Variants in ZC3H12B observed in about 807,000 individuals in gnomAD.
ZC3H12B encodes the protein zinc finger CCCH-type containing 12B, also known as probable ribonuclease ZC3H12B.
ZC3H12B carries 7 observed loss-of-function variants against 43.9 expected under a neutral mutation model. The ratio of observed to expected loss-of-function variants is 0.16; its 90% CI spans 0.09 to 0.30. The LOEUF is 0.30. Among genes scored for constraint, ZC3H12B ranks in the 10% least tolerant of loss-of-function variants. The probability of loss-of-function intolerance (pLI) is 1.00; values close to 1 mark genes in which losing one functional copy is unlikely to be tolerated. For synonymous variants in ZC3H12B, 222 were observed against 241.7 expected (o/e 0.92, Z 0.76); for missense variants, 475 against 670.2 (o/e 0.71, Z 3.22).
the ZC3H12B span, among the ~76,000 whole-genome samples, chrX:65,040,142 T>C: frequency 9.0e-6 from 1 of 111,646 alleles, no homozygotes; most frequent in African/African-American, 3.3e-5. Flanking sequence ...TTCTTTCAAA[T>C]TGAATACTAG....
In ZC3H12B at chrX:65,385,937, TG is replaced by T. The variant is rs1182937028; in HGVS notation, n.296-12654del. 1.2e-4 allele frequency among the ~76,000 whole-genome samples: 13 copies of T among 112,491 alleles called. No individual in the cohort carries two copies. In the East Asian group the frequency reaches 3.6e-3, roughly 31 times the overall value. ...TTTGTCTTTGGTTCTGTTGATATGC[TG>T]GATTACATTTATTGATTTGCGTATG... On this transcript the variant is annotated intron_variant and non_coding_transcript_variant, in intron 2 of 5. Transcript: ENST00000617377.
the ZC3H12B span, among the ~76,000 whole-genome samples, chrX:65,162,275 G>A: frequency 1.8e-5 from 2 of 110,914 alleles, no homozygotes; most frequent in Non-Finnish European, 3.8e-5. Context: ...GAGTATTTTT[G>A]TGGTGTTCTC....
chrX:65,174,310 A>G, the ZC3H12B span, among the ~76,000 whole-genome samples: 1 of 112,437 alleles, frequency 8.9e-6, no homozygotes, highest in African/African-American at 3.2e-5. Context: ...TTCAAAAGTG[A>G]CGTTGTGTAA....
chrX:65,105,232 A>C, the ZC3H12B span, among the ~76,000 whole-genome samples: 1 of 109,268 alleles, frequency 9.2e-6, no homozygotes, highest in Non-Finnish European at 1.9e-5. Context: ...CAAGGGGAAC[A>C]TCACACATCA....
At chrX:65,313,151 G>A in the ZC3H12B span, among the ~76,000 whole-genome samples, 2 of 111,829 alleles carry the variant, frequency 1.8e-5, no homozygotes, top group African/African-American at 6.5e-5. Flanking sequence ...CAAAGGGCGG[G>A]ATTACAGGCA....
chrX:65,392,528 G>A (rs1042934300), intron 2 of ZC3H12B, among the ~76,000 whole-genome samples: 16 of 111,927 alleles, frequency 1.4e-4, no homozygotes, highest in South Asian at 3.7e-4. Context: ...GCCCCCGCCC[G>A]GTAGCCACCC....
At chrX:65,055,317 G>T in the ZC3H12B span, among the ~76,000 whole-genome samples, 1 of 111,602 alleles carries the variant, frequency 9.0e-6, no homozygotes, top group South Asian at 3.8e-4. Context: ...TTTTGTCAAA[G>T]GCCTTTTCTG....
At chrX:65,121,442 G>T in the ZC3H12B span, among the ~76,000 whole-genome samples, 25 of 111,795 alleles carry the variant, frequency 2.2e-4, no homozygotes, top group African/African-American at 8.1e-4. Flanking sequence ...TTGCCTAGAG[G>T]TGTTTATAGT....
At chrX:65,087,308 C>T in the ZC3H12B span, among the ~76,000 whole-genome samples, 1 of 111,537 alleles carries the variant, frequency 9.0e-6, no homozygotes, top group South Asian at 3.7e-4. Context: ...CTTTATTCCA[C>T]CTAATGGCTT....
rs753110699 is a variant in ZC3H12B at position 65,500,898 on chromosome X, G to C, written c.1091-891G>C. ...GTTTTTTTGGATGATCATTTGTTTT[G>C]TGGGGTGTTTTGGTTTTTGTCCTCA... On this transcript the variant is annotated intron_variant, in intron 4 of 4. Coordinates refer to ENST00000338957, the Ensembl canonical transcript of ZC3H12B. Among the ~76,000 whole-genome samples, 34 of 111,259 alleles carry C rather than the reference G, an allele frequency of 3.1e-4. 1 individual carries two copies. The highest frequency in any genetic ancestry group is 5.8e-4 in the Non-Finnish European group (31 of 53,044).
At chrX:65,160,775 A>C in the ZC3H12B span, among the ~76,000 whole-genome samples, 1 of 110,687 alleles carries the variant, frequency 9.0e-6, no homozygotes, top group East Asian at 2.8e-4. Context: ...TTCTGCTCTG[A>C]TTTTAGTTAT....
At chrX:65,062,619 C>G in the ZC3H12B span, among the ~76,000 whole-genome samples, 1 of 111,719 alleles carries the variant, frequency 9.0e-6, no homozygotes, top group African/African-American at 3.3e-5. Flanking sequence ...GTTCTTTTGG[C>G]TTAGGATTGT....
chrX:65,181,210 C>G, the ZC3H12B span, among the ~76,000 whole-genome samples: 1 of 111,845 alleles, frequency 8.9e-6, no homozygotes. Flanking sequence ...ATGCAGAAAA[C>G]TGAAACTGGA....
At chrX:65,126,457 G>A in the ZC3H12B span, among the ~76,000 whole-genome samples, 1 of 111,243 alleles carries the variant, frequency 9.0e-6, no homozygotes, top group Admixed American at 9.6e-5. Context: ...CCTGATGTCT[G>A]TGTGCCTAGG....
the ZC3H12B span, among the ~76,000 whole-genome samples, chrX:65,151,581 G>T: frequency 3.6e-5 from 4 of 111,758 alleles, no homozygotes; most frequent in African/African-American, 9.7e-5. Flanking sequence ...ATCTTTAAAG[G>T]TGTGACTTCA....
At chrX:65,205,135 T>C in the ZC3H12B span, among the ~76,000 whole-genome samples, 9 of 112,264 alleles carry the variant, frequency 8.0e-5, no homozygotes, top group African/African-American at 2.9e-4. Context: ...TGAGTACTTA[T>C]AGAATCTTTG....
chrX:65,211,681 A>G, the ZC3H12B span, among the ~76,000 whole-genome samples: 1 of 91,058 alleles, frequency 1.1e-5, no homozygotes, highest in Non-Finnish European at 2.1e-5. Context: ...TTATATAATT[A>G]TATATATAAT....
chrX:65,127,509 G>A, the ZC3H12B span, among the ~76,000 whole-genome samples: 34 of 111,080 alleles, frequency 3.1e-4, no homozygotes, highest in Admixed American at 3.2e-3. Flanking sequence ...GTCCTATAGG[G>A]AGGATGCAAA....
rs1435181879 is a variant in ZC3H12B at position 65,373,901 on chromosome X, ATATATAGT to A, written n.295+4910_295+4917del. ...TAGAACTTAAAGTATAGTAATATAT[ATATATAGT>A]TATATATATATACTATATATATAGT... is the stretch of plus-strand genomic sequence containing the variant. On this transcript the variant is annotated intron_variant and non_coding_transcript_variant, in intron 2 of 5. Transcript: ENST00000617377. 1.5e-3 allele frequency among the ~76,000 whole-genome samples: 37 copies of A among 25,229 alleles called. 2 individuals are homozygous for A. In the African/African-American group the frequency reaches 0.017, roughly 12 times the overall value. 21.9% of individuals were successfully genotyped at this position (25,229 alleles called of 115,157 possible). A position where few individuals can be genotyped will look rare whatever the true frequency, so the allele number is the denominator to read the frequency against.
Sources: gnomAD v4.1 joint callset for allele counts (sites outside exome capture counted in the v4.1 genomes callset) on GRCh38, gnomAD v4.1.1 for gene constraint, MANE v1.5 for transcripts, NCBI Gene and HGNC (gene_info 2026-07-23, HGNC 2026-07-21) for gene names.